HACL2: variants seen among roughly 807,000 people sequenced by gnomAD.
The protein encoded by HACL2 is 2-hydroxyacyl-CoA lyase 2, also known as 2-hydroxyacyl-CoA lyase 1 like.
the HACL2 span, among the ~76,000 whole-genome samples, chr19:15,120,896 C>T: frequency 1.3e-5 from 2 of 152,074 alleles, no homozygotes; most frequent in Non-Finnish European, 1.5e-5. Flanking sequence ...CATACCACTG[C>T]ACTCCAGCCT....
the HACL2 span, chr19:15,123,088 C>T: frequency 6.2e-7 from 1 of 1,612,166 alleles, no homozygotes; most frequent in Middle Eastern, 1.7e-4. This position sits in a 1 kb window ranked among gnomAD's most constrained non-coding sequence, Gnocchi z 5.1. Context: ...CCCCCCTAGG[C>T]CCCCACTGGC....
the HACL2 span, chr19:15,119,449 G>A: frequency 6.2e-7 from 1 of 1,614,158 alleles, no homozygotes; most frequent in Non-Finnish European, 8.5e-7. Flanking sequence ...GGGGTGAGCA[G>A]GGCCTGACTC....
the HACL2 span, chr19:15,119,599 A>G: frequency 8.4e-7 from 1 of 1,191,612 alleles, no homozygotes; most frequent in East Asian, 2.5e-5. Context: ...TGCCCAGGAT[A>G]GAGTGTAATG....
chr19:15,119,196 G>A, the HACL2 span: 1 of 1,596,178 alleles, frequency 6.3e-7, no homozygotes, highest in Non-Finnish European at 8.5e-7. Flanking sequence ...GCCTTCTTCA[G>A]GGCCGCACTG....
chr19:15,122,227 G>A, the HACL2 span, among the ~76,000 whole-genome samples: 1 of 152,052 alleles, frequency 6.6e-6, no homozygotes, highest in African/African-American at 2.4e-5. This position sits in a 1 kb window ranked among gnomAD's most constrained non-coding sequence, Gnocchi z 4.0. Flanking sequence ...CTTCTTAGCT[G>A]TGTGACTTTG....
chr19:15,124,818 T>G, the HACL2 span: 15 of 1,434,232 alleles, frequency 1.0e-5, no homozygotes, highest in Admixed American at 3.1e-4. Flanking sequence ...TCTGGACTAG[T>G]CGGGGCTCGC....
chr19:15,119,604 G>A, the HACL2 span: 11 of 1,125,656 alleles, frequency 9.8e-6, no homozygotes, highest in East Asian at 2.8e-4. Context: ...AGGATAGAGT[G>A]TAATGGCATG....
chr19:15,117,877 T>C, the HACL2 span: 1 of 1,613,922 alleles, frequency 6.2e-7, no homozygotes, highest in Non-Finnish European at 8.5e-7. Context: ...ATTAAGGGGC[T>C]CACCCTGCAC....
the HACL2 span, chr19:15,117,993 T>C: frequency 1.9e-6 from 3 of 1,614,166 alleles, no homozygotes; most frequent in Non-Finnish European, 2.5e-6. Context: ...GGCCATAGGA[T>C]AGGCGGAAGT....
the HACL2 span, among the ~76,000 whole-genome samples, chr19:15,121,404 C>T: frequency 8.4e-4 from 128 of 152,004 alleles, no homozygotes; most frequent in African/African-American, 3.0e-3. Flanking sequence ...ACATGGCTGC[C>T]GCTCGCTAAA....
the HACL2 span, chr19:15,125,205 G>T: frequency 1.2e-6 from 1 of 825,562 alleles, no homozygotes; most frequent in Non-Finnish European, 1.9e-6. Context: ...CCCCAACCCT[G>T]CCAGACCACG....
the HACL2 span, chr19:15,124,950 C>T: frequency 6.2e-7 from 1 of 1,607,964 alleles, no homozygotes; most frequent in East Asian, 2.2e-5. Context: ...ATAGAAGAGC[C>T]CCAGGCGGTG....
chr19:15,119,632 C>A, the HACL2 span: 1 of 846,272 alleles, frequency 1.2e-6, no homozygotes. Flanking sequence ...CTCACTGCAG[C>A]CTCCACCTCC....
At chr19:15,123,811 G>C in the HACL2 span, 1 of 572,580 alleles carries the variant, frequency 1.7e-6, no homozygotes, top group Admixed American at 3.2e-5. The surrounding 1 kb of genome is among the most constrained non-coding windows in gnomAD (Gnocchi z 5.1). Context: ...ATCAAGGCTT[G>C]CCCAAGTAAG....
At chr19:15,115,707 A>G in the HACL2 span, 12 of 1,598,548 alleles carry the variant, frequency 7.5e-6, no homozygotes, top group Non-Finnish European at 9.4e-6. Context: ...CGCAGCCTTC[A>G]GCCCCATGGC....
the HACL2 span, among the ~76,000 whole-genome samples, chr19:15,119,697 C>T: frequency 3.3e-5 from 5 of 152,114 alleles, no homozygotes; most frequent in South Asian, 2.1e-4. Context: ...ATTACAGGCG[C>T]GTGCCACCAT....
the HACL2 span, among the ~76,000 whole-genome samples, chr19:15,120,525 T>C: frequency 6.6e-6 from 1 of 152,364 alleles, no homozygotes; most frequent in Admixed American, 6.5e-5. Flanking sequence ...ATGGGAGTTC[T>C]GAACACTGTC....
At chr19:15,116,999 C>G in the HACL2 span, 1 of 179,202 alleles carries the variant, frequency 5.6e-6, no homozygotes, top group Non-Finnish European at 1.2e-5. Context: ...CGCTGTTCAT[C>G]TCCAGTTCAG....
the HACL2 span, chr19:15,115,320 C>T: frequency 6.8e-6 from 11 of 1,614,040 alleles, no homozygotes; most frequent in East Asian, 1.3e-4. Flanking sequence ...ACCGGGTGGC[C>T]GTCTCGGCAC....
Sources: gnomAD v4.1 joint callset for allele counts (sites outside exome capture counted in the v4.1 genomes callset) on GRCh38, gnomAD v4.1.1 for gene constraint, Gnocchi (gnomAD v3.1) non-coding constraint, MANE v1.5 for transcripts, NCBI Gene and HGNC (gene_info 2026-07-23, HGNC 2026-07-21) for gene names.